TPP2: variants seen among roughly 807,000 people sequenced by gnomAD.
TPP2 encodes tripeptidyl peptidase 2.
In TPP2, 34 loss-of-function variants were observed where a neutral mutation model predicts 155.9. The observed-to-expected ratio is 0.22, with a 90% confidence interval of 0.17 to 0.29. The LOEUF is 0.29. Among genes scored for constraint, TPP2 ranks in the 10% least tolerant of loss-of-function variants. The probability of loss-of-function intolerance (pLI) is 1.00; values close to 1 mark genes in which losing one functional copy is unlikely to be tolerated. For synonymous variants in TPP2, 510 were observed against 529.4 expected (o/e 0.96, Z 0.50); for missense variants, 1,028 against 1,522.3 (o/e 0.68, Z 5.40).
At chr13:102,672,350 T>C (rs953745703) in intron 27 of TPP2, among the ~76,000 whole-genome samples, 3 of 152,162 alleles carry the variant, frequency 2.0e-5, no homozygotes, top group Non-Finnish European at 4.4e-5. Context: ...TTGTGAATGA[T>C]CAGAGGTTGG....
chr13:102,613,736 G>A (rs1297135240), intron 2 of TPP2, among the ~76,000 whole-genome samples: 2 of 152,128 alleles, frequency 1.3e-5, no homozygotes, highest in Admixed American at 1.3e-4. Flanking sequence ...TTGTAAACTA[G>A]GCGTACTGTT....
chr13:102,667,654 T>C (rs1032492468), intron 27 of TPP2: 14 of 682,722 alleles, frequency 2.1e-5, no homozygotes, highest in Non-Finnish European at 2.5e-5. Context: ...ACTCCAGATA[T>C]GTAGAATTTA....
chr13:102,648,765 G>A (rs140050946), intron 21 of TPP2, 142 bp from the exon 22 acceptor site: 5 of 1,125,702 alleles, frequency 4.4e-6, no homozygotes, highest in East Asian at 2.6e-5. Flanking sequence ...TTATATGAAC[G>A]TCTGGATAGT....
At chr13:102,666,854 A>G (rs1055241997) in intron 27 of TPP2, among the ~76,000 whole-genome samples, 5 of 146,706 alleles carry the variant, frequency 3.4e-5, no homozygotes, top group African/African-American at 1.3e-4. Flanking sequence ...AAGCTGGGAT[A>G]AAACTAGAAA....
rs752263992 is a variant in TPP2, at chr13:102,663,768, A to G, written c.3240+24A>G. The G allele has an allele frequency of 7.2e-6, 11 of 1,523,462 alleles. No individual in the cohort carries two copies. In the East Asian group the frequency reaches 1.2e-4, roughly 16 times the overall value. 94.4% of individuals were successfully genotyped at this position (1,523,462 alleles called of 1,614,324 possible). On this transcript the variant is annotated intron_variant, in intron 26 of 29. Coordinates refer to ENST00000376052, the MANE Select transcript of TPP2 (RefSeq NM_001330588.2). ...AGGTTAGACATGTTCATTCTGATATATCTTATTTTGTTTGTAATTATATAA... is the reference window on the plus strand; with the variant it reads ...AGGTTAGACATGTTCATTCTGATATGTCTTATTTTGTTTGTAATTATATAA...
At chr13:102,634,568 G>C (rs1382093884) in intron 11 of TPP2, among the ~76,000 whole-genome samples, 1 of 152,158 alleles carries the variant, frequency 6.6e-6, no homozygotes, top group Admixed American at 6.5e-5. Context: ...AGGGTAGCCA[G>C]GCTGCTGTGA....
intron 24 of TPP2, 59 bp from the exon 25 acceptor site, chr13:102,656,997 G>T: frequency 6.6e-7 from 1 of 1,519,668 alleles, no homozygotes. Flanking sequence ...TGTTGAAGAT[G>T]ATTTTGATGT....
chr13:102,657,238 A>G, intron 25 of TPP2, 31 bp downstream of exon 25: 1 of 1,526,860 alleles, frequency 6.5e-7, no homozygotes, highest in Non-Finnish European at 8.7e-7. Flanking sequence ...TAATTCTTTA[A>G]ATGTTTAGTT....
chr13:102,670,724 A>G (rs1403581132), intron 27 of TPP2, among the ~76,000 whole-genome samples: 1 of 152,188 alleles, frequency 6.6e-6, no homozygotes, highest in Non-Finnish European at 1.5e-5. Flanking sequence ...AGTTATGCCC[A>G]AGGTGGGGTG....
At chr13:102,604,555 A>T (rs771801322) in intron 1 of TPP2, among the ~76,000 whole-genome samples, 19 of 152,218 alleles carry the variant, frequency 1.2e-4, no homozygotes, top group Admixed American at 4.6e-4. Flanking sequence ...TCTATAGTAA[A>T]TGCTCAGTAA....
rs755498529 is a variant in TPP2, at chr13:102,618,632, A to G, written c.496-90A>G. The G allele has an allele frequency of 3.1e-5, 45 of 1,454,368 alleles. 1 individual carries two copies. In the Middle Eastern group the frequency reaches 6.7e-4, roughly 22 times the overall value. The allele number at this position is 1,454,368 out of a possible 1,614,324, so 90.1% of individuals were successfully genotyped here. A position where few individuals can be genotyped will look rare whatever the true frequency, so the allele number is the denominator to read the frequency against. ...TTTTTCAGGGTAAAATAATTTTACT[A>G]TGGATTAACATTGTATCTTTGGCTG... On this transcript the variant is annotated intron_variant, in intron 4 of 29. Transcript: ENST00000376052.
Position 102,664,789 on chromosome 13 carries a change from C to T in TPP2, c.3241-6C>T, listed in dbSNP as rs748258351. On this transcript the variant is annotated splice_polypyrimidine_tract_variant and splice_region_variant and intron_variant, in intron 26 of 29. Coordinates refer to ENST00000376052, the MANE Select transcript of TPP2 (RefSeq NM_001330588.2). ...TATTTTTTATTATTTCTTTTTTCCT[C>T]TCCAGGAACGAATGAAAAGACTTAA... is the stretch of plus-strand genomic sequence containing the variant. The T allele has an allele frequency of 1.9e-6, 3 of 1,610,310 alleles. No individual in the cohort carries two copies. The highest frequency in any genetic ancestry group is 1.3e-5 in the African/African-American group (1 of 74,682).
At chr13:102,635,875 A>G (rs568354039) in intron 12 of TPP2, among the ~76,000 whole-genome samples, 173 bp downstream of exon 12, 58 of 152,322 alleles carry the variant, frequency 3.8e-4, no homozygotes, top group African/African-American at 1.3e-3. Context: ...TAGTTAAGAC[A>G]AATCTGTTGC....
intron 15 of TPP2, among the ~76,000 whole-genome samples, chr13:102,639,777 T>C (rs1882633585): frequency 6.6e-6 from 1 of 152,254 alleles, no homozygotes; most frequent in Non-Finnish European, 1.5e-5. Context: ...ATTTCATTGA[T>C]TTCTTACAAA....
intron 10 of TPP2, among the ~76,000 whole-genome samples, chr13:102,633,186 G>A (rs902645869): frequency 6.6e-6 from 1 of 152,162 alleles, no homozygotes; most frequent in Non-Finnish European, 1.5e-5. Context: ...ACAGAGCTTT[G>A]TTGGATGATA....
intron 24 of TPP2, among the ~76,000 whole-genome samples, chr13:102,651,897 A>G (rs1476017836): frequency 2.0e-5 from 3 of 152,200 alleles, no homozygotes; most frequent in African/African-American, 7.2e-5. Context: ...GAAACAATAA[A>G]GATCAATGGA....
In TPP2 at chr13:102,666,426, C is replaced by G. The variant is rs1264686317; in HGVS notation, c.3371+1501C>G. 3.3e-5 allele frequency among the ~76,000 whole-genome samples: 5 copies of G among 152,150 alleles called. No individual in the cohort carries two copies. In the East Asian group the frequency reaches 9.6e-4, roughly 29 times the overall value. On this transcript the variant is annotated intron_variant, in intron 27 of 29. Transcript: ENST00000376052. ...CTGTCTCAGGGTGATCATTGTTAATCTTATTGCAAGAGGAGGCTGGCCTTG... is the reference window on the plus strand; with the variant it reads ...CTGTCTCAGGGTGATCATTGTTAATGTTATTGCAAGAGGAGGCTGGCCTTG...
intron 8 of TPP2, among the ~76,000 whole-genome samples, chr13:102,628,492 G>T (rs888862203): frequency 6.6e-6 from 1 of 151,974 alleles, no homozygotes; most frequent in Non-Finnish European, 1.5e-5. Flanking sequence ...TCACTAACTC[G>T]GTCAGTTTTC....
chr13:102,609,665 G>A (rs986320224), intron 2 of TPP2, among the ~76,000 whole-genome samples: 1 of 151,792 alleles, frequency 6.6e-6, no homozygotes, highest in Non-Finnish European at 1.5e-5. Context: ...CCAAAGTGCT[G>A]GGATTACAAG....
Sources: allele counts gnomAD v4.1 joint callset (sites outside exome capture counted in the v4.1 genomes callset), GRCh38; gene constraint gnomAD v4.1.1; transcripts MANE v1.5; gene names NCBI Gene and HGNC (gene_info 2026-07-23, HGNC 2026-07-21).